Variants in SGO2 observed in about 807,000 individuals in gnomAD.
SGO2 encodes the protein shugoshin 2.
A neutral mutation model predicts 99.5 loss-of-function variants in SGO2; 68 were observed. The ratio of observed to expected loss-of-function variants is 0.68; its 90% CI spans 0.56 to 0.84. The LOEUF (loss-of-function observed/expected upper bound fraction) is 0.84. Ranked by LOEUF, SGO2 falls within the 40% of genes least tolerant of loss-of-function variation. SGO2 has a pLI of 0.00. For synonymous variants in SGO2, 457 were observed against 487.1 expected, an observed-to-expected ratio of 0.94 and a Z score of 0.81; for missense variants, 1,350 against 1,436.7, an observed-to-expected ratio of 0.94 and a Z score of 0.97.
At chr2:200,530,457 G>T (rs1438118280) in intron 1 of SGO2, among the ~76,000 whole-genome samples, 2 of 152,178 alleles carry the variant, frequency 1.3e-5, no homozygotes, top group African/African-American at 4.8e-5. Context: ...TTGTGGAGTA[G>T]ACAGCTGGAT....
At position 200,546,353 on chromosome 2, in the gene SGO2, GAAAAAAAAAAAA is replaced by G. The variant is rs772361302; in HGVS notation, c.473+3705_473+3716del. ...GGGCTATCGAGCGAGACTCCATCTG[GAAAAAAAAAAAA>G]AAAAAAAAAAAAAAAGATTTGCTAG... is the stretch of plus-strand genomic sequence containing the variant. On this transcript the variant is annotated intron_variant, in intron 5 of 8. Coordinates refer to ENST00000357799, the MANE Select transcript of SGO2 (RefSeq NM_152524.6). Among the ~76,000 whole-genome samples the G allele has an allele frequency of 1.9e-4, 8 of 42,250 alleles. 1 individual carries two copies. Among genetic ancestry groups the G allele is most frequent in the East Asian group, 7.2e-4 (1 of 1,386 alleles). The allele number at this position is 42,250 out of a possible 152,430, so 27.7% of individuals were successfully genotyped here.
intron 5 of SGO2, among the ~76,000 whole-genome samples, chr2:200,548,730 A>G (rs938958057): frequency 1.3e-5 from 2 of 152,174 alleles, no homozygotes; most frequent in Admixed American, 6.5e-5. Flanking sequence ...AGAGGACTAT[A>G]ATAAATAAAA....
chr2:200,542,138 T>A (rs2031991249), intron 4 of SGO2, among the ~76,000 whole-genome samples: 1 of 152,178 alleles, frequency 6.6e-6, no homozygotes, highest in Non-Finnish European at 1.5e-5. Context: ...AAAACATGTT[T>A]GTATCTGAAA....
At position 200,558,864 on chromosome 2, in the gene SGO2, G is replaced by T. The variant is rs921313240; in HGVS notation, c.474-10799G>T. Among the ~76,000 whole-genome samples, 7 of 150,932 alleles carry T rather than the reference G, an allele frequency of 4.6e-5. No individual in the cohort carries two copies. In the East Asian group the frequency reaches 1.2e-3, roughly 25 times the overall value. On this transcript the variant is annotated intron_variant, in intron 5 of 8. Transcript: ENST00000357799. ...GCAACCCAGGCTAGAGTGCAGTGGT[G>T]CGATCTTGGCTCACTGCAGCCTCTG...
Position 200,535,117 on chromosome 2 carries a change from A to G in SGO2, c.255A>G (p.Glu85=). 1.3e-6 allele frequency: 2 copies of G among 1,545,842 alleles called. No individual in the cohort carries two copies. Among genetic ancestry groups the G allele is most frequent in the Non-Finnish European group, 1.7e-6 (2 of 1,156,502 alleles). The change falls in exon 3 of 9, where the codon GAA becomes GAG. Residue 85 remains glutamate (E), a synonymous_variant. Transcript: ENST00000357799. ...CTGAAAAGATGCTATTGCAAAAAGA[A>G]GTAGAGAAACTGAATTTTGAGAACA... The part of the protein sequence containing the change: ...ITTEKMLLQK[E]VEKLNFENTF...
chr2:200,559,264 G>A (rs1257137978), intron 5 of SGO2, among the ~76,000 whole-genome samples: 2 of 151,886 alleles, frequency 1.3e-5, no homozygotes, highest in African/African-American at 4.8e-5. Flanking sequence ...ATGTGTTTTG[G>A]GTATGTAGTG....
rs897315080 is a variant in SGO2 at position 200,526,476 on chromosome 2, G to A, written c.-3+224G>A. Among the ~76,000 whole-genome samples the A allele has an allele frequency of 3.3e-5, 5 of 152,220 alleles. No homozygotes were observed. The highest frequency in any genetic ancestry group is 5.9e-5 in the Non-Finnish European group (4 of 68,048). ...GCTGCCTCTTGTTTCTGAGATTTGA[G>A]CGTCCGGCAGGGCGAGCGGGGAGAG... On this transcript the variant is annotated intron_variant, in intron 1 of 8. Transcript: ENST00000357799. The surrounding 1 kb of genome is among the most constrained non-coding windows in gnomAD (Gnocchi z 4.8).
At chr2:200,533,519 A>ATG (rs35068823) in intron 2 of SGO2, 4,027 of 144,100 alleles carry the variant, frequency 0.028, 68 homozygotes, top group South Asian at 0.097. Context: ...TATAATGTAT[A>ATG]TGTGTGTGTG....
chr2:200,571,716 T>C lies in SGO2; in HGVS notation c.1370T>C (p.Leu457Pro). Residue 457 changes from leucine (L) to proline (P), a missense_variant, in exon 7 of 9, where the codon CTG becomes CCG. Transcript: ENST00000357799. ...GGTTTTATTTTCAATAATGAACAGC[T>C]GGCTCAGATGAATGAACAGCTGGCT... Reference protein sequence around the residue: ...DPGFIFNNEQLAQMNEQLAQV... With the variant: ...DPGFIFNNEQPAQMNEQLAQV... The C allele has an allele frequency of 6.2e-7, 1 of 1,613,514 alleles. No homozygotes were observed. The highest frequency in any genetic ancestry group is 8.5e-7 in the Non-Finnish European group (1 of 1,179,702).
intron 5 of SGO2, among the ~76,000 whole-genome samples, chr2:200,556,289 C>T (rs1030162761): frequency 6.6e-6 from 1 of 152,196 alleles, no homozygotes; most frequent in Non-Finnish European, 1.5e-5. Context: ...TAATTATCTA[C>T]TGACTTTTAG....
At chr2:200,551,350 T>C (rs2032476635) in intron 5 of SGO2, among the ~76,000 whole-genome samples, 2 of 152,172 alleles carry the variant, frequency 1.3e-5, no homozygotes, top group African/African-American at 4.8e-5. Context: ...GAGGCCATTA[T>C]GTTAAGTGAA....
Position 200,571,866 on chromosome 2 carries a change from C to T in SGO2, c.1520C>T (p.Ser507Phe). The change falls in exon 7 of 9, where the codon TCC becomes TTC. Residue 507 changes from serine (S) to phenylalanine (F), a missense_variant. Ser to Phe is a radical substitution (Grantham distance 155, BLOSUM62 -2). Coordinates refer to ENST00000357799, the MANE Select transcript of SGO2 (RefSeq NM_152524.6). Reference protein sequence around the residue: ...TNEQEETYSLSQSSGKFHQES... With the variant: ...TNEQEETYSLFQSSGKFHQES... ...GAGCAAGAGGAAACATACTCTTTAT[C>T]CCAAAGTTCAGGTAAATTTCACCAG... 1.2e-6 allele frequency: 2 copies of T among 1,613,474 alleles called. No individual in the cohort carries two copies. Among genetic ancestry groups the T allele is most frequent in the Middle Eastern group, 3.3e-4 (2 of 6,058 alleles).
chr2:200,555,099 T>C (rs1334428685), intron 5 of SGO2, among the ~76,000 whole-genome samples: 1 of 152,170 alleles, frequency 6.6e-6, no homozygotes, highest in Non-Finnish European at 1.5e-5. Context: ...TTAAAACAAT[T>C]CTTCAACCCT....
chr2:200,571,964 A>G lies in SGO2; in HGVS notation c.1618A>G (p.Ile540Val). ...KSKASRQTFV[I>V]HKLEKDNLLP... ...TAAAGCTTCTAGACAGACATTTGTGATTCACAAATTAGAAAAAGATAACTT... is the reference window on the plus strand; with the variant it reads ...TAAAGCTTCTAGACAGACATTTGTGGTTCACAAATTAGAAAAAGATAACTT... The change falls in exon 7 of 9, where the codon ATT becomes GTT. Residue 540 changes from isoleucine (I) to valine (V), a missense_variant. Transcript: ENST00000357799. 6.2e-7 allele frequency: 1 copy of G among 1,609,774 alleles called. No individual in the cohort carries two copies. The highest frequency in any genetic ancestry group is 8.5e-7 in the Non-Finnish European group (1 of 1,178,750).
In SGO2 at chr2:200,533,001, G is replaced by A. The variant is rs1036533; in HGVS notation, c.26G>A (p.Gly9Asp). 122,633 of 1,609,184 alleles carry A rather than the reference G, an allele frequency of 0.076. 5,517 individuals carry two copies. The highest frequency in any genetic ancestry group is 0.13 in the Admixed American group (7,838 of 59,182). Residue 9 changes from glycine to aspartate, a missense_variant, in exon 2 of 9, where the codon GGC becomes GAC. Transcript: ENST00000357799. MECPVMET[G>D]SLFTSGIKRH... ...ATGGAGTGCCCAGTGATGGAAACTGGCTCACTTTTTACCTCAGGAATTAAG... is the reference window on the plus strand; with the variant it reads ...ATGGAGTGCCCAGTGATGGAAACTGACTCACTTTTTACCTCAGGAATTAAG...
At chr2:200,554,829 C>T (rs559408491) in intron 5 of SGO2, among the ~76,000 whole-genome samples, 1 of 152,238 alleles carries the variant, frequency 6.6e-6, no homozygotes, top group South Asian at 2.1e-4. Context: ...TTAATAAAAC[C>T]TTATACAAAA....
rs115646366 is a variant in SGO2 at position 200,581,086 on chromosome 2, G to A, written c.3783-2363G>A. Among the ~76,000 whole-genome samples the A allele has an allele frequency of 2.2e-3, 328 of 152,140 alleles. 1 individual carries two copies. Among genetic ancestry groups the A allele is most frequent in the African/African-American group, 7.5e-3 (313 of 41,534 alleles). On this transcript the variant is annotated intron_variant, in intron 8 of 8. Coordinates refer to ENST00000357799, the MANE Select transcript of SGO2 (RefSeq NM_152524.6). ...GCATTTTGGTCAGAAATTATTTATTGTAATATTTCTGCTTTATGGAAATTG... is the reference window on the plus strand; with the variant it reads ...GCATTTTGGTCAGAAATTATTTATTATAATATTTCTGCTTTATGGAAATTG...
Position 200,571,692 on chromosome 2 carries a change from G to T in SGO2, c.1346G>T (p.Gly449Val), listed in dbSNP as rs769941221. 1 of 1,613,736 alleles carries T rather than the reference G, an allele frequency of 6.2e-7. No homozygotes were observed. Among genetic ancestry groups the T allele is most frequent in the South Asian group, 1.1e-5 (1 of 91,058 alleles). ...GGCAAAAGGGGTGCAGAAGATCCCG[G>T]TTTTATTTTCAATAATGAACAGCTG... The part of the protein sequence containing the change: ...LDGKRGAEDP[G>V]FIFNNEQLAQ... Residue 449 changes from glycine (G) to valine (V), a missense_variant, in exon 7 of 9, where the codon GGT becomes GTT. By Grantham distance (109) the Gly-to-Val change is moderately radical. Transcript: ENST00000357799.
chr2:200,573,591 G>A lies in SGO2; in HGVS notation c.3245G>A (p.Arg1082Lys). ...VNKMTSKSKK[R>K]KTSIDPSPES... ...AAAATGACATCTAAGTCAAAGAAAA[G>A]GAAGACCTCCATAGATCCTTCTCCA... Residue 1082 changes from arginine (R) to lysine (K), a missense_variant, in exon 7 of 9, where the codon AGG becomes AAG. Physicochemically the swap from Arg to Lys is conservative, Grantham distance 26. Coordinates refer to ENST00000357799, the MANE Select transcript of SGO2 (RefSeq NM_152524.6). 4 of 1,605,670 alleles carry A rather than the reference G, an allele frequency of 2.5e-6. No homozygotes were observed. Among genetic ancestry groups the A allele is most frequent in the Non-Finnish European group, 3.4e-6 (4 of 1,177,734 alleles).
Sources: allele counts gnomAD v4.1 joint callset (sites outside exome capture counted in the v4.1 genomes callset), GRCh38; gene constraint gnomAD v4.1.1; non-coding constraint Gnocchi (gnomAD v3.1); transcripts MANE v1.5; gene names NCBI Gene and HGNC (gene_info 2026-07-23, HGNC 2026-07-21).